The following ENTREP2 variants were observed in gnomAD, a reference collection of about 807,000 sequenced individuals.
The protein encoded by ENTREP2 is protein ENTREP2.
chr15:29,268,444 A>AACT, the ENTREP2 span: 2 of 250,068 alleles, frequency 8.0e-6, no homozygotes, highest in African/African-American at 5.3e-5. Flanking sequence ...ACCTGATAAT[A>AACT]GCTTTTTTAT....
the ENTREP2 span, among the ~76,000 whole-genome samples, chr15:29,570,156 G>A: frequency 2.6e-5 from 4 of 151,388 alleles, no homozygotes; most frequent in African/African-American, 7.3e-5. Context: ...CCTCGGCCGC[G>A]GCCGCTCGGA....
At chr15:29,458,028 G>C in the ENTREP2 span, among the ~76,000 whole-genome samples, 11 of 152,130 alleles carry the variant, frequency 7.2e-5, no homozygotes, top group Non-Finnish European at 1.6e-4. Context: ...ACATATATCA[G>C]AGGAAATTCA....
At chr15:29,250,898 G>A in the ENTREP2 span, among the ~76,000 whole-genome samples, 3 of 152,100 alleles carry the variant, frequency 2.0e-5, no homozygotes, top group African/African-American at 7.2e-5. Context: ...GATGAAATCT[G>A]ATCAATGTTC....
chr15:29,599,781 C>T, the ENTREP2 span, among the ~76,000 whole-genome samples: 1 of 152,152 alleles, frequency 6.6e-6, no homozygotes, highest in Non-Finnish European at 1.5e-5. Context: ...TTTTCAAGTT[C>T]AAAAACTTCA....
At chr15:29,513,783 C>T in the ENTREP2 span, among the ~76,000 whole-genome samples, 4 of 152,218 alleles carry the variant, frequency 2.6e-5, no homozygotes, top group East Asian at 3.9e-4. Context: ...ACCAGGAGCA[C>T]CTCCGAGTCC....
At chr15:29,273,849 G>A in the ENTREP2 span, among the ~76,000 whole-genome samples, 1 of 152,140 alleles carries the variant, frequency 6.6e-6, no homozygotes, top group South Asian at 2.1e-4. Context: ...TTTGCCAGGG[G>A]TTCAAGGGTC....
At chr15:29,166,432 C>T in the ENTREP2 span, among the ~76,000 whole-genome samples, 1 of 152,094 alleles carries the variant, frequency 6.6e-6, no homozygotes, top group African/African-American at 2.4e-5. Context: ...CTGAAGACTC[C>T]TCCAGAAAGC....
At chr15:29,423,715 G>A in the ENTREP2 span, among the ~76,000 whole-genome samples, 1 of 152,052 alleles carries the variant, frequency 6.6e-6, no homozygotes, top group African/African-American at 2.4e-5. Context: ...GGAGAATGGC[G>A]TGAACCTGGG....
chr15:29,592,418 G>T, the ENTREP2 span, among the ~76,000 whole-genome samples: 1 of 152,172 alleles, frequency 6.6e-6, no homozygotes, highest in Non-Finnish European at 1.5e-5. Context: ...AAGACTGAGG[G>T]GCTGACATCT....
chr15:29,396,814 T>A, the ENTREP2 span, among the ~76,000 whole-genome samples: 1 of 151,796 alleles, frequency 6.6e-6, no homozygotes, highest in Admixed American at 6.6e-5. Context: ...TCCAACTTCA[T>A]TTTTTTTGCA....
chr15:29,270,821 C>A, the ENTREP2 span, among the ~76,000 whole-genome samples: 2 of 152,178 alleles, frequency 1.3e-5, no homozygotes, highest in Admixed American at 6.5e-5. Flanking sequence ...AAATTTGTTT[C>A]TTCTCTATTT....
chr15:29,462,615 C>CTAATAATAATAA, the ENTREP2 span, among the ~76,000 whole-genome samples: 58 of 151,566 alleles, frequency 3.8e-4, no homozygotes, highest in Admixed American at 1.7e-3. Context: ...GATCTCAAAA[C>CTAATAATAATAA]TAATAATAAT....
the ENTREP2 span, among the ~76,000 whole-genome samples, chr15:29,462,255 A>G: frequency 6.6e-6 from 1 of 152,006 alleles, no homozygotes; most frequent in Admixed American, 6.6e-5. Context: ...CCATCCTTTG[A>G]GTATATACCC....
the ENTREP2 span, among the ~76,000 whole-genome samples, chr15:29,290,791 A>G: frequency 0.069 from 10,463 of 152,270 alleles, 1,086 homozygotes; most frequent in African/African-American, 0.22. Context: ...TTCTATAGAA[A>G]GGACTCTTGC....
At chr15:29,620,705 C>T in the ENTREP2 span, among the ~76,000 whole-genome samples, 2 of 151,930 alleles carry the variant, frequency 1.3e-5, no homozygotes, top group Non-Finnish European at 2.9e-5. Context: ...ACTGATGAGG[C>T]CAAAGAAATA....
the ENTREP2 span, among the ~76,000 whole-genome samples, chr15:29,601,675 T>C: frequency 6.6e-6 from 1 of 152,180 alleles, no homozygotes; most frequent in African/African-American, 2.4e-5. Flanking sequence ...TTCACTTCCA[T>C]CTTTAACACT....
the ENTREP2 span, among the ~76,000 whole-genome samples, chr15:29,291,106 A>G: frequency 6.6e-6 from 1 of 152,088 alleles, no homozygotes; most frequent in African/African-American, 2.4e-5. Flanking sequence ...CCCCCTAGAC[A>G]GCAATTCTGG....
chr15:29,150,742 G>A, the ENTREP2 span, among the ~76,000 whole-genome samples: 1 of 152,186 alleles, frequency 6.6e-6, no homozygotes, highest in African/African-American at 2.4e-5. Context: ...CTCTGGCCCT[G>A]TATCTTGATT....
chr15:29,231,394 AC>A, the ENTREP2 span, among the ~76,000 whole-genome samples: 1 of 152,126 alleles, frequency 6.6e-6, no homozygotes, highest in Non-Finnish European at 1.5e-5. Flanking sequence ...CATTTACCCT[AC>A]CCAGGCACTG....
Sources: gnomAD v4.1 joint callset for allele counts (sites outside exome capture counted in the v4.1 genomes callset) on GRCh38, gnomAD v4.1.1 for gene constraint, MANE v1.5 for transcripts, NCBI Gene and HGNC (gene_info 2026-07-23, HGNC 2026-07-21) for gene names.